The following ANXA11 variants were observed in gnomAD, a reference collection of about 807,000 sequenced individuals.
The protein encoded by ANXA11 is 56 kDa autoantigen.
Under a neutral mutation model 64.7 loss-of-function variants are expected in ANXA11, and 57 were observed. That is an observed-to-expected ratio of 0.88 (90% CI 0.71 to 1.10). The LOEUF is 1.10. Among genes scored for constraint, ANXA11 ranks in the 50% least tolerant of loss-of-function variants. The pLI, the probability that ANXA11 is intolerant of heterozygous loss-of-function variation, is 0.00. For missense variants in ANXA11, 675 were observed against 670.7 expected, an observed-to-expected ratio of 1.01 and a Z score of -0.07; for synonymous variants, 260 against 265.2, an observed-to-expected ratio of 0.98 and a Z score of 0.19.
Position 80,166,070 on chromosome 10 carries a change from A to T in ANXA11, c.858+14T>A. 1 of 1,414,140 alleles carries T rather than the reference A, an allele frequency of 7.1e-7. No homozygotes were observed. The highest frequency in any genetic ancestry group is 1.0e-6 in the Non-Finnish European group (1 of 1,003,670). 87.6% of individuals were successfully genotyped at this position (1,414,140 alleles called of 1,614,324 possible). A position where few individuals can be genotyped will look rare whatever the true frequency, so the allele number is the denominator to read the frequency against. On this transcript the variant is annotated intron_variant, in intron 8 of 15. Coordinates refer to ENST00000422982, the MANE Select transcript of ANXA11 (RefSeq NM_145868.2). ...CACACACACACACACACACACACAC[A>T]CACACGTACACACCTTGATGGCTTC...
At chr10:80,162,823 G>A (rs116723867) in intron 11 of ANXA11, among the ~76,000 whole-genome samples, 2 of 152,152 alleles carry the variant, frequency 1.3e-5, no homozygotes, top group Admixed American at 6.5e-5. Flanking sequence ...ATAATACTAC[G>A]GTTGAAATTC....
chr10:80,165,571 G>A (rs1443451445), intron 8 of ANXA11, among the ~76,000 whole-genome samples: 3 of 152,196 alleles, frequency 2.0e-5, no homozygotes, highest in African/African-American at 7.2e-5. Context: ...GCCATGGTAG[G>A]AGAAGCACAG....
In ANXA11 at chr10:80,170,906, G is replaced by T; in HGVS notation, c.65C>A (p.Pro22His). 1 of 1,586,736 alleles carries T rather than the reference G, an allele frequency of 6.3e-7. No individual in the cohort carries two copies. Among genetic ancestry groups the T allele is most frequent in the Non-Finnish European group, 8.6e-7 (1 of 1,166,992 alleles). The change falls in exon 4 of 16, where the codon CCC becomes CAC. Residue 22 changes from proline to histidine, a missense_variant. By Grantham distance (77) the Pro-to-His change is moderately conservative. Transcript: ENST00000422982. ...GYPPAAPGGG[P>H]WGGAAYPPPP... ...AGGAGGGTAGGCAGCACCTCCCCAGGGACCACCACCTGAAAGCAACACCAA... is the reference window on the plus strand; with the variant it reads ...AGGAGGGTAGGCAGCACCTCCCCAGTGACCACCACCTGAAAGCAACACCAA...
At chr10:80,182,870 A>G (rs1340202195) in intron 1 of ANXA11, among the ~76,000 whole-genome samples, 1 of 152,190 alleles carries the variant, frequency 6.6e-6, no homozygotes, top group East Asian at 1.9e-4. Flanking sequence ...CCTTTAACCT[A>G]TAGGGTCTGC....
In ANXA11 at chr10:80,163,625, A is replaced by C; in HGVS notation, c.950-12T>G. 2 of 1,550,512 alleles carry C rather than the reference A, an allele frequency of 1.3e-6. No homozygotes were observed. Among genetic ancestry groups the C allele is most frequent in the Non-Finnish European group, 1.7e-6 (2 of 1,147,072 alleles). On this transcript the variant is annotated splice_polypyrimidine_tract_variant and intron_variant, in intron 9 of 15. Transcript: ENST00000422982. ...GGTCTTTTTGAATTCTGAAAGGGAGAAGCAAGGAAGGTCCATCCTGTAGCT... is the reference window on the plus strand; with the variant it reads ...GGTCTTTTTGAATTCTGAAAGGGAGCAGCAAGGAAGGTCCATCCTGTAGCT...
chr10:80,166,226 C>G (rs1205144744), intron 7 of ANXA11, 29 bp from the exon 8 acceptor site: 5 of 1,047,454 alleles, frequency 4.8e-6, no homozygotes, highest in Non-Finnish European at 6.8e-6. Context: ...AAACAACCAA[C>G]AAAAAAAAAA....
rs145577263 is a variant in ANXA11 at position 80,177,025 on chromosome 10, G to A, written c.-57-870C>T. Among the ~76,000 whole-genome samples, 128 of 150,184 alleles carry A rather than the reference G, an allele frequency of 8.5e-4. 1 individual carries two copies. Among genetic ancestry groups the A allele is most frequent in the African/African-American group, 2.8e-3 (114 of 40,684 alleles). The stretch of plus-strand genomic sequence containing the variant: ...GACGGAGTCTCACTGTGTCACCCAG[G>A]CTGCAGTGCAGTGGCGCAATCTCAG... On this transcript the variant is annotated intron_variant, in intron 1 of 15. Transcript: ENST00000422982.
intron 1 of ANXA11, among the ~76,000 whole-genome samples, chr10:80,177,630 T>C (rs1273341902): frequency 6.6e-6 from 1 of 152,162 alleles, no homozygotes; most frequent in Non-Finnish European, 1.5e-5. Context: ...AGAACTGTCA[T>C]ACTCAGAACT....
In ANXA11 at chr10:80,166,899, A is replaced by C; in HGVS notation, c.735T>G (p.Ala245=). The C allele has an allele frequency of 6.2e-7, 1 of 1,606,440 alleles. No individual in the cohort carries two copies. Among genetic ancestry groups the C allele is most frequent in the Non-Finnish European group, 8.5e-7 (1 of 1,177,288 alleles). The change falls in exon 7 of 16, where the codon GCT becomes GCG. Residue 245 remains alanine, a synonymous_variant. Transcript: ENST00000422982. The stretch of plus-strand genomic sequence containing the variant: ...CCACCCCGCAGCTCGCCTTGCCGTA[A>C]GCCGTCTTGAAGGAAAGTAGGATCT... ...RQQILLSFKT[A]YGKDLIKDLK...
chr10:80,158,088 G>A (rs1026384039), intron 13 of ANXA11, 63 bp from the exon 14 acceptor site: 1 of 1,499,708 alleles, frequency 6.7e-7, no homozygotes, highest in Non-Finnish European at 9.3e-7. Context: ...GCAGGGCATG[G>A]AGTCTACAAG....
At chr10:80,204,739 G>A (rs1209913250) in intron 1 of ANXA11, 1 of 152,776 alleles carries the variant, frequency 6.5e-6, no homozygotes, top group African/African-American at 2.4e-5. Flanking sequence ...CCTGAAACTG[G>A]GGATCAAGGT....
rs1845947717 is a variant in ANXA11, at chr10:80,170,932, G to C, written c.56-17C>G. On this transcript the variant is annotated splice_polypyrimidine_tract_variant and intron_variant, in intron 3 of 15. Coordinates refer to ENST00000422982, the MANE Select transcript of ANXA11 (RefSeq NM_145868.2). Reference sequence around the variant, plus strand: ...GACCACCACCTGAAAGCAACACCAAGCCCTTTAGCCCCCTGCCAGTCCCCC... The same window carrying C: ...GACCACCACCTGAAAGCAACACCAACCCCTTTAGCCCCCTGCCAGTCCCCC... The C allele has an allele frequency of 1.3e-6, 2 of 1,579,254 alleles. No individual in the cohort carries two copies. Among genetic ancestry groups the C allele is most frequent in the Non-Finnish European group, 1.7e-6 (2 of 1,162,942 alleles).
chr10:80,203,125 A>G (rs1381799896), intron 1 of ANXA11, among the ~76,000 whole-genome samples: 1 of 151,522 alleles, frequency 6.6e-6, no homozygotes, highest in African/African-American at 2.4e-5. Context: ...GAAAGGTCCC[A>G]GGACCTCTGA....
rs533344189 is a variant in ANXA11 at position 80,192,053 on chromosome 10, C to G, written c.-58+13290G>C. ...GTAGAGAGGCTTCCTGTCCTCAGAG[C>G]TGCTGGCGGACTCAGGCCCAGTTCT... On this transcript the variant is annotated intron_variant, in intron 1 of 15. Transcript: ENST00000422982. Among the ~76,000 whole-genome samples the G allele has an allele frequency of 6.7e-4, 102 of 152,340 alleles. 1 individual carries two copies. Among genetic ancestry groups the G allele is most frequent in the Non-Finnish European group, 1.4e-3 (92 of 68,040 alleles).
At chr10:80,157,427 G>A in intron 15 of ANXA11, 1 of 985,388 alleles carries the variant, frequency 1.0e-6, no homozygotes, top group South Asian at 4.7e-5. Flanking sequence ...GCTGCTGGGG[G>A]ATGCAAGGTG....
At chr10:80,188,703 C>T (rs1846645833) in intron 1 of ANXA11, among the ~76,000 whole-genome samples, 1 of 143,322 alleles carries the variant, frequency 7.0e-6, no homozygotes, top group Admixed American at 7.8e-5. Context: ...CCTTGGATTA[C>T]TATGAGGACT....
chr10:80,172,204 C>A (rs1846001137), intron 3 of ANXA11, among the ~76,000 whole-genome samples: 1 of 152,056 alleles, frequency 6.6e-6, no homozygotes, highest in Non-Finnish European at 1.5e-5. Context: ...ATTTGAGGAC[C>A]AAAAGGGGCC....
intron 15 of ANXA11, chr10:80,157,213 C>T (rs1381086834): frequency 5.1e-6 from 5 of 985,122 alleles, no homozygotes; most frequent in African/African-American, 3.5e-5. Context: ...AGTGGCGTGA[C>T]CCCCAGGGCC....
intron 1 of ANXA11, among the ~76,000 whole-genome samples, chr10:80,198,560 C>G (rs533421403): frequency 6.6e-6 from 1 of 152,350 alleles, no homozygotes; most frequent in African/African-American, 2.4e-5. Context: ...TAGAATGATT[C>G]AGGGTGCAGT....
Sources: allele counts gnomAD v4.1 joint callset (sites outside exome capture counted in the v4.1 genomes callset), GRCh38; gene constraint gnomAD v4.1.1; transcripts MANE v1.5; gene names NCBI Gene and HGNC (gene_info 2026-07-23, HGNC 2026-07-21).